The following SYNE2 variants were observed in gnomAD, a reference collection of about 807,000 sequenced individuals.
SYNE2 encodes nesprin-2.
Under a neutral mutation model 856.3 loss-of-function variants are expected in SYNE2, and 431 were observed. That is an observed-to-expected ratio of 0.50 (90% CI 0.47 to 0.55). The LOEUF (loss-of-function observed/expected upper bound fraction) is 0.55, where lower values mean the gene tolerates loss of function less well. Among genes scored for constraint, SYNE2 ranks in the 20% least tolerant of loss-of-function variants. The pLI is 0.00. For missense variants in SYNE2, 8,129 were observed against 8,023.2 expected (o/e 1.01, Z -0.50); for synonymous variants, 2,923 against 2,872.3 (o/e 1.02, Z -0.56).
Position 64,030,076 on chromosome 14 carries a change from A to G in SYNE2, c.6879+17A>G, listed in dbSNP as rs751040553. The G allele has an allele frequency of 2.5e-6, 4 of 1,612,672 alleles. No homozygotes were observed. The highest frequency in any genetic ancestry group is 2.5e-6 in the Non-Finnish European group (3 of 1,178,916). ...AAACTGCAGGTACTAAACGGTGTCC[A>G]GACATGATAGACATTTAAAAAAAAA... On this transcript the variant is annotated intron_variant, in intron 44 of 115. Transcript: ENST00000555002.
chr14:64,156,011 G>A (rs1567489594), intron 85 of SYNE2, among the ~76,000 whole-genome samples: 1 of 152,170 alleles, frequency 6.6e-6, no homozygotes, highest in Non-Finnish European at 1.5e-5. Context: ...AAATGGGGAT[G>A]ATAACACCTA....
chr14:64,064,879 G>A (rs1248959065), intron 50 of SYNE2, among the ~76,000 whole-genome samples: 1 of 140,468 alleles, frequency 7.1e-6, no homozygotes. Context: ...TTTATACGGA[G>A]TCTCACTCTG....
At chr14:63,766,467 C>G (rs1448480450) in intron 1 of SYNE2, among the ~76,000 whole-genome samples, 2 of 152,164 alleles carry the variant, frequency 1.3e-5, no homozygotes, top group Admixed American at 1.3e-4. Flanking sequence ...CCCTGTGATA[C>G]TAAAAAAAGC....
At chr14:63,860,964 C>A (rs1164492482) in intron 1 of SYNE2, among the ~76,000 whole-genome samples, 2 of 152,040 alleles carry the variant, frequency 1.3e-5, no homozygotes, top group Non-Finnish European at 1.5e-5. Flanking sequence ...GAGCAGCCAA[C>A]CTATTGAGTA....
At chr14:64,138,034 C>A (rs1595773490) in intron 79 of SYNE2, 51 bp downstream of exon 79, 1 of 1,572,800 alleles carries the variant, frequency 6.4e-7, no homozygotes, top group Non-Finnish European at 8.6e-7. Flanking sequence ...TGAAGAAAGA[C>A]CTCGGGGATT....
intron 8 of SYNE2, among the ~76,000 whole-genome samples, chr14:63,961,123 T>G (rs1460932395): frequency 6.6e-6 from 1 of 152,176 alleles, no homozygotes; most frequent in Admixed American, 6.5e-5. Context: ...GACCAACATG[T>G]CAGGAATGCA....
intron 32 of SYNE2, among the ~76,000 whole-genome samples, chr14:64,012,268 A>G (rs1342811052): frequency 6.6e-6 from 1 of 152,176 alleles, no homozygotes; most frequent in Non-Finnish European, 1.5e-5. Flanking sequence ...TGAGTCAGTT[A>G]CCACTCATTT....
At chr14:63,841,192 C>T (rs970556937) in intron 1 of SYNE2, among the ~76,000 whole-genome samples, 3 of 152,074 alleles carry the variant, frequency 2.0e-5, no homozygotes, top group East Asian at 1.9e-4. Flanking sequence ...CTCTGGGGGG[C>T]GCCATGGGAC....
At chr14:63,799,895 T>G (rs1888067209) in intron 1 of SYNE2, among the ~76,000 whole-genome samples, 1 of 152,194 alleles carries the variant, frequency 6.6e-6, no homozygotes, top group South Asian at 2.1e-4. Flanking sequence ...TAGAAGATAC[T>G]GCCAGATGAT....
chr14:64,148,186 A>C (rs190078609), intron 84 of SYNE2, among the ~76,000 whole-genome samples: 4 of 152,210 alleles, frequency 2.6e-5, no homozygotes, highest in African/African-American at 4.8e-5. Flanking sequence ...ATGGTGGTGC[A>C]TGCCTGTAGT....
chr14:63,865,710 A>ACCCCCCCC (rs1429490991), intron 1 of SYNE2, among the ~76,000 whole-genome samples: 5 of 27,132 alleles, frequency 1.8e-4, no homozygotes, highest in Non-Finnish European at 2.5e-4. Flanking sequence ...AAAACTCTGT[A>ACCCCCCCC]CCCACCCCCC....
Position 64,139,989 on chromosome 14 carries a change from G to C in SYNE2, c.14892G>C (p.Gln4964His). Reference protein sequence around the residue: ...DQLTKWLESSQHTLNYWKEQS... With the variant: ...DQLTKWLESSHHTLNYWKEQS... ...TAACCAAGTGGTTGGAATCTTCCCA[G>C]CATACTCTGAATTACTGGAAAGAAC... Residue 4964 changes from glutamine to histidine, a missense_variant, in exon 80 of 116, where the codon CAG (glutamine) becomes CAC (histidine). Physicochemically the swap from Gln to His is conservative, Grantham distance 24 (BLOSUM62 0). Around this residue, in one of 3 missense-constraint regions of SYNE2, gnomAD observed 5,410 missense variants for 5,284.8 expected, o/e 1.02. Coordinates refer to ENST00000555002, the MANE Select transcript of SYNE2 (RefSeq NM_182914.3). 6.2e-7 allele frequency: 1 copy of C among 1,613,998 alleles called. No individual in the cohort carries two copies.
At chr14:63,839,412 A>G (rs1447980855) in intron 1 of SYNE2, among the ~76,000 whole-genome samples, 4 of 152,174 alleles carry the variant, frequency 2.6e-5, no homozygotes, top group African/African-American at 9.7e-5. Context: ...ATTACTAATA[A>G]GATTGAGCAT....
chr14:64,024,777 CAAATT>C (rs2153537631), intron 39 of SYNE2, 130 bp from the exon 40 acceptor site: 1 of 976,852 alleles, frequency 1.0e-6, no homozygotes, highest in Non-Finnish European at 1.5e-6. Context: ...TTTTATATTA[CAAATT>C]AAATTCTCTC....
chr14:64,021,664 C>G, intron 36 of SYNE2, 149 bp downstream of exon 36: 3 of 1,131,352 alleles, frequency 2.7e-6, no homozygotes, highest in Non-Finnish European at 3.8e-6. Flanking sequence ...GCATTTTCAT[C>G]TTTGAATTGC....
In SYNE2 at chr14:64,010,025, T is replaced by C; in HGVS notation, c.4637T>C (p.Ile1546Thr). ...AAACAATATCAGAATTTTAAAAGCATCTTGACAACTTTGATTCAAAAAGAA... is the reference window on the plus strand; with the variant it reads ...AAACAATATCAGAATTTTAAAAGCACCTTGACAACTTTGATTCAAAAAGAA... ...LLKQYQNFKS[I>T]LTTLIQKEES... The change falls in exon 32 of 116, where the codon ATC becomes ACC. Residue 1546 changes from isoleucine to threonine, a missense_variant. Physicochemically the swap from Ile to Thr is moderately conservative, Grantham distance 89. Transcript: ENST00000555002. The C allele has an allele frequency of 6.2e-7, 1 of 1,614,070 alleles. No homozygotes were observed. Among genetic ancestry groups the C allele is most frequent in the Non-Finnish European group, 8.5e-7 (1 of 1,179,952 alleles).
Position 64,127,537 on chromosome 14 carries a change from G to A in SYNE2, c.13917+730G>A, listed in dbSNP as rs191067738. Among the ~76,000 whole-genome samples the A allele has an allele frequency of 8.5e-5, 13 of 152,242 alleles. No homozygotes were observed. In the South Asian group the frequency reaches 1.0e-3, roughly 12 times the overall value. On this transcript the variant is annotated intron_variant, in intron 73 of 115. Coordinates refer to ENST00000555002, the MANE Select transcript of SYNE2 (RefSeq NM_182914.3). ...CATTTAACAATTAAAATGGTGGGGC[G>A]GGGGAGGCATTTGTTTTTGTTTTTC...
At position 64,137,835 on chromosome 14, in the gene SYNE2, C is replaced by T. The variant is rs2098107559; in HGVS notation, c.14695C>T (p.Leu4899=). Residue 4899 remains leucine (L), a synonymous_variant, in exon 79 of 116, where the codon CTG becomes TTG. Coordinates refer to ENST00000555002, the MANE Select transcript of SYNE2 (RefSeq NM_182914.3). ...GGKHARLYQT[L]NEGKQLVASV... Reference sequence around the variant, plus strand: ...AAAACACGCCCGGCTTTACCAAACTCTGAACGAAGGCAAACAGTTGGTGGC... The same window carrying T: ...AAAACACGCCCGGCTTTACCAAACTTTGAACGAAGGCAAACAGTTGGTGGC... 3 of 1,614,206 alleles carry T rather than the reference C, an allele frequency of 1.9e-6. No individual in the cohort carries two copies. The highest frequency in any genetic ancestry group is 2.7e-5 in the African/African-American group (2 of 75,044).
At chr14:63,899,189 GGAA>G (rs1452442256) in intron 1 of SYNE2, among the ~76,000 whole-genome samples, 1 of 151,788 alleles carries the variant, frequency 6.6e-6, no homozygotes, top group Non-Finnish European at 1.5e-5. Context: ...TTTTAGCTTT[GGAA>G]GTTTTCATCC....
Sources: allele counts gnomAD v4.1 joint callset (sites outside exome capture counted in the v4.1 genomes callset), GRCh38; gene constraint gnomAD v4.1.1; regional missense constraint gnomAD v4.1.1; transcripts MANE v1.5; gene names NCBI Gene and HGNC (gene_info 2026-07-23, HGNC 2026-07-21).